The following DDAH1 variants were observed in gnomAD, a reference collection of about 807,000 sequenced individuals.
The protein encoded by DDAH1 is N(G),N(G)-dimethylarginine dimethylaminohydrolase 1.
Under a neutral mutation model 28.8 loss-of-function variants are expected in DDAH1, and 19 were observed. The observed-to-expected ratio is 0.66, with a 90% CI of 0.46 to 0.97. The LOEUF is 0.97. Among genes scored for constraint, DDAH1 ranks in the 50% least tolerant of loss-of-function variants. The pLI, the probability that DDAH1 is intolerant of heterozygous loss-of-function variation, is 0.00. For synonymous variants in DDAH1, 153 were observed against 154.4 expected, an observed-to-expected ratio of 0.99 and a Z score of 0.07; for missense variants, 326 against 375.9, an observed-to-expected ratio of 0.87 and a Z score of 1.10.
chr1:85,351,422 A>T (rs1228395894), intron 3 of DDAH1, 84 bp downstream of exon 3: 11 of 1,084,220 alleles, frequency 1.0e-5, no homozygotes, highest in Non-Finnish European at 1.4e-6. Flanking sequence ...CGTAAACACC[A>T]TTACTCATGA....
intron 1 of DDAH1, among the ~76,000 whole-genome samples, chr1:85,530,255 G>T (rs1185529481): frequency 6.6e-6 from 1 of 152,152 alleles, no homozygotes; most frequent in African/African-American, 2.4e-5. Context: ...GGTACAAACT[G>T]GGAGAATCCA....
intron 1 of DDAH1, among the ~76,000 whole-genome samples, chr1:85,527,647 G>C (rs1281072648): frequency 1.3e-5 from 2 of 152,120 alleles, no homozygotes; most frequent in African/African-American, 4.8e-5. Flanking sequence ...GCTAATGAGA[G>C]GGTAGGTACT....
chr1:85,570,088 C>A (rs1186653554), intron 1 of DDAH1, among the ~76,000 whole-genome samples: 1 of 152,096 alleles, frequency 6.6e-6, no homozygotes, highest in Admixed American at 6.6e-5. Context: ...TTCATTCAAT[C>A]CTCCCAATAA....
intron 1 of DDAH1, among the ~76,000 whole-genome samples, chr1:85,500,869 AT>A (rs111875871): frequency 2.8e-5 from 4 of 144,538 alleles, no homozygotes; most frequent in East Asian, 2.1e-4. Flanking sequence ...TCATTTAGGG[AT>A]TTTTTTTTCA....
chr1:85,421,267 A>G (rs1482587230), intron 1 of DDAH1, among the ~76,000 whole-genome samples: 2 of 152,212 alleles, frequency 1.3e-5, no homozygotes, highest in African/African-American at 2.4e-5. Context: ...AACTTTATCA[A>G]TGAGAATACT....
At chr1:85,404,213 G>T (rs926063228) in intron 1 of DDAH1, among the ~76,000 whole-genome samples, 1 of 152,050 alleles carries the variant, frequency 6.6e-6, no homozygotes. Context: ...ATTACAATTC[G>T]CAAGTATTGA....
Position 85,512,089 on chromosome 1 carries a change from G to A in DDAH1, c.-122-15808C>T, listed in dbSNP as rs548880642. On this transcript the variant is annotated intron_variant, in intron 1 of 6. Transcript: ENST00000426972. ...CAATATCTCTGATGAACATCGATGC[G>A]AAAATCCTCAATAAAATACTGGCAA... Among the ~76,000 whole-genome samples, 245 of 152,134 alleles carry A rather than the reference G, an allele frequency of 1.6e-3. 2 individuals are homozygous for A. Among genetic ancestry groups the A allele is most frequent in the African/African-American group, 5.2e-3 (215 of 41,500 alleles).
intron 2 of DDAH1, among the ~76,000 whole-genome samples, chr1:85,476,224 T>C (rs183683086): frequency 6.6e-6 from 1 of 152,358 alleles, no homozygotes; most frequent in East Asian, 1.9e-4. Flanking sequence ...CTGAATTATC[T>C]TTCCTCAGCT....
rs3058833 is a variant in DDAH1, at chr1:85,515,016, T to TACACAC, written c.-122-18741_-122-18736dup. Among the ~76,000 whole-genome samples the TACACAC allele has an allele frequency of 9.1e-3, 438 of 48,324 alleles. 3 individuals are homozygous for TACACAC. Among genetic ancestry groups the TACACAC allele is most frequent in the African/African-American group, 0.026 (387 of 14,922 alleles). 31.7% of individuals were successfully genotyped at this position (48,324 alleles called of 152,430 possible). A position where few individuals can be genotyped will look rare whatever the true frequency, so the allele number is the denominator to read the frequency against. On this transcript the variant is annotated intron_variant, in intron 1 of 6. Coordinates refer to the DDAH1 transcript ENST00000426972. Reference sequence around the variant, plus strand: ...GTTCTTTCAGTGTACAGAGCTAGAATACACACACACACACACATATATGTT... The same window carrying TACACAC: ...GTTCTTTCAGTGTACAGAGCTAGAATACACACACACACACACACACACATATATGTT...
Position 85,321,276 on chromosome 1 carries a change from G to T in DDAH1, c.*176C>A. On this transcript the variant is annotated 3_prime_UTR_variant, in exon 6 of 6. Coordinates refer to ENST00000284031, the MANE Select transcript of DDAH1 (RefSeq NM_012137.4). ...AAATCCACAGCTTAGGTACCACCTC[G>T]AGGGGAGGGAGGGTGGGGGTGTTGA... 1.8e-6 allele frequency: 1 copy of T among 557,312 alleles called. No individual in the cohort carries two copies. Among genetic ancestry groups the T allele is most frequent in the Non-Finnish European group, 3.2e-6 (1 of 311,180 alleles). 34.5% of individuals were successfully genotyped at this position (557,312 alleles called of 1,614,324 possible).
chr1:85,545,311 G>A (rs1176144886), intron 1 of DDAH1, among the ~76,000 whole-genome samples: 1 of 152,210 alleles, frequency 6.6e-6, no homozygotes, highest in Non-Finnish European at 1.5e-5. Context: ...TATTAGCAGA[G>A]GAAAAGAAAA....
chr1:85,391,872 G>A (rs1350723449), intron 1 of DDAH1, among the ~76,000 whole-genome samples: 1 of 152,204 alleles, frequency 6.6e-6, no homozygotes, highest in Admixed American at 6.5e-5. Context: ...TTATAAACAG[G>A]CTGTCTACCC....
chr1:85,543,782 G>A (rs1420330000), intron 1 of DDAH1, among the ~76,000 whole-genome samples: 1 of 152,128 alleles, frequency 6.6e-6, no homozygotes, highest in East Asian at 1.9e-4. Flanking sequence ...TTGATGAGAA[G>A]GGTTAGTTTC....
At chr1:85,469,465 G>A (rs1346608516), upstream of DDAH1, among the ~76,000 whole-genome samples, 1 of 152,212 alleles carries the variant, frequency 6.6e-6, no homozygotes, top group South Asian at 2.1e-4. Context: ...CAATGAACAC[G>A]TTATCATAGA....
At position 85,404,549 on chromosome 1, in the gene DDAH1, G is replaced by GA. The variant is rs563587020; in HGVS notation, c.304-45703dup. On this transcript the variant is annotated intron_variant, in intron 1 of 5. Coordinates refer to ENST00000284031, the MANE Select transcript of DDAH1 (RefSeq NM_012137.4). ...ATAACACTAACTGCAGCTCCAGACAGAAAAAAAAATAGGAGTTCATTTTCC... is the reference window on the plus strand; with the variant it reads ...ATAACACTAACTGCAGCTCCAGACAGAAAAAAAAAATAGGAGTTCATTTTCC... 4.9e-3 allele frequency: 6,132 copies of GA among 1,255,098 alleles called. 1 individual carries two copies. The highest frequency in any genetic ancestry group is 0.011 in the South Asian group (436 of 40,912). The allele number at this position is 1,255,098 out of a possible 1,614,324, so 77.7% of individuals were successfully genotyped here.
At chr1:85,474,260 A>G (rs1023201257) in intron 2 of DDAH1, among the ~76,000 whole-genome samples, 10 of 152,226 alleles carry the variant, frequency 6.6e-5, no homozygotes, top group Admixed American at 1.3e-4. Context: ...TGCAACAGCC[A>G]TCTTATCCAA....
chr1:85,458,577 A>C (rs1294152326), intron 1 of DDAH1, among the ~76,000 whole-genome samples: 1 of 151,944 alleles, frequency 6.6e-6, no homozygotes, highest in Non-Finnish European at 1.5e-5. Flanking sequence ...TACAGACACC[A>C]CACACACATT....
intron 1 of DDAH1, among the ~76,000 whole-genome samples, chr1:85,384,941 C>T (rs1331074842): frequency 6.6e-6 from 1 of 152,132 alleles, no homozygotes; most frequent in Non-Finnish European, 1.5e-5. Context: ...TCTGATACAA[C>T]CTTAACTCTA....
chr1:85,333,613 T>G (rs1647914116), intron 4 of DDAH1, among the ~76,000 whole-genome samples: 1 of 151,234 alleles, frequency 6.6e-6, no homozygotes, highest in Non-Finnish European at 1.5e-5. Flanking sequence ...GAATGAGAAA[T>G]TCACCAAGGA....
Sources: gnomAD v4.1 joint callset for allele counts (sites outside exome capture counted in the v4.1 genomes callset) on GRCh38, gnomAD v4.1.1 for gene constraint, MANE v1.5 for transcripts, NCBI Gene and HGNC (gene_info 2026-07-23, HGNC 2026-07-21) for gene names.